The following ADAM17 variants were observed in gnomAD, a reference collection of about 807,000 sequenced individuals.
The protein encoded by ADAM17 is ADAM metallopeptidase domain 17, also known as disintegrin and metalloproteinase domain-containing protein 17.
Under a neutral mutation model 96.7 loss-of-function variants are expected in ADAM17, and 39 were observed. The ratio of observed to expected loss-of-function variants is 0.40; its 90% CI spans 0.31 to 0.53. The LOEUF is 0.53. Ranked by LOEUF, ADAM17 falls within the 20% of genes least tolerant of loss-of-function variation. The probability of loss-of-function intolerance (pLI) is 0.44; values close to 1 mark genes in which losing one functional copy is unlikely to be tolerated. For synonymous variants in ADAM17, 344 were observed against 359.2 expected (o/e 0.96, Z 0.48); for missense variants, 777 against 1,013.2 (o/e 0.77, Z 3.17).
chr2:9,525,321 C>T (rs7340151), intron 6 of ADAM17, among the ~76,000 whole-genome samples: 84,757 of 147,650 alleles, frequency 0.57, 25,694 homozygotes, highest in Middle Eastern at 0.76. Context: ...AAAAAATCCA[C>T]TTGACATGAA....
chr2:9,497,616 C>T (rs1662709234), intron 13 of ADAM17, among the ~76,000 whole-genome samples: 1 of 152,244 alleles, frequency 6.6e-6, no homozygotes. Context: ...CTGGCCCTGA[C>T]TTCATCGCAC....
intron 7 of ADAM17, chr2:9,522,110 A>G: frequency 3.6e-6 from 1 of 275,598 alleles, no homozygotes. Flanking sequence ...AAGCAAAAAG[A>G]AAATTTACAG....
intron 10 of ADAM17, among the ~76,000 whole-genome samples, chr2:9,510,879 T>C (rs1171004676): frequency 1.3e-5 from 2 of 152,172 alleles, no homozygotes; most frequent in Admixed American, 1.3e-4. Context: ...ATTATATGAA[T>C]TTAACAGAAT....
intron 5 of ADAM17, chr2:9,527,423 A>C: frequency 6.4e-6 from 1 of 156,624 alleles, no homozygotes; most frequent in Non-Finnish European, 1.4e-5. Context: ...TCTAAGCAGT[A>C]TATATATAGG....
At position 9,502,182 on chromosome 2, in the gene ADAM17, A is replaced by T; in HGVS notation, c.1639T>A (p.Tyr547Asn). 6.2e-7 allele frequency: 1 copy of T among 1,613,886 alleles called. No individual in the cohort carries two copies. Among genetic ancestry groups the T allele is most frequent in the Non-Finnish European group, 8.5e-7 (1 of 1,179,846 alleles). Residue 547 changes from tyrosine (Y) to asparagine (N), a missense_variant, in exon 13 of 19, where the codon TAC (tyrosine) becomes AAC (asparagine). By Grantham distance (143) the Tyr-to-Asn change is moderately radical (BLOSUM62 -2). This residue lies in a region of ADAM17 where 446 missense variants were observed against 664.7 expected (regional missense o/e 0.67). Transcript: ENST00000310823. ...CAACAAGAACACGAACCTGTGCAGT[A>T]GGACACGCCTTTGCAAGTAGCATTA... ...AINATCKGVS[Y>N]CTGNSSECPP...
At chr2:9,506,144 G>A (rs1214127970) in intron 11 of ADAM17, among the ~76,000 whole-genome samples, 2 of 152,000 alleles carry the variant, frequency 1.3e-5, no homozygotes, top group Non-Finnish European at 2.9e-5. Context: ...TACTTCTTAG[G>A]TCGGGGTCTC....
intron 1 of ADAM17, among the ~76,000 whole-genome samples, chr2:9,548,884 T>G (rs2125044539): frequency 6.6e-6 from 1 of 152,340 alleles, no homozygotes; most frequent in African/African-American, 2.4e-5. Context: ...CTTCTGGTTG[T>G]AGCTGTGGAG....
intron 12 of ADAM17, among the ~76,000 whole-genome samples, chr2:9,502,960 G>A (rs577799105): frequency 1.7e-4 from 26 of 149,856 alleles, no homozygotes; most frequent in African/African-American, 5.9e-4. Flanking sequence ...CCAACATGGT[G>A]AAACTCCGTC....
At chr2:9,519,555 C>G (rs1211372015) in intron 8 of ADAM17, among the ~76,000 whole-genome samples, 1 of 152,058 alleles carries the variant, frequency 6.6e-6, no homozygotes, top group Non-Finnish European at 1.5e-5. Flanking sequence ...CTGAATTGTG[C>G]CACCCCACAA....
chr2:9,521,056 G>T, intron 8 of ADAM17, 147 bp downstream of exon 8: 1 of 508,150 alleles, frequency 2.0e-6, no homozygotes, highest in East Asian at 3.1e-5. Flanking sequence ...GCTGCTACAT[G>T]GGATGGGGTT....
chr2:9,502,361 C>CTGAA, intron 12 of ADAM17, 85 bp from the exon 13 acceptor site: 1 of 1,180,008 alleles, frequency 8.5e-7, no homozygotes, highest in South Asian at 1.3e-5. Flanking sequence ...TTACAGTGAC[C>CTGAA]TGAAGATCAC....
rs1197740648 is a variant in ADAM17 at position 9,490,518 on chromosome 2, T to C, written c.2134A>G (p.Asn712Asp). 1.2e-6 allele frequency: 2 copies of C among 1,609,658 alleles called. No homozygotes were observed. Among genetic ancestry groups the C allele is most frequent in the East Asian group, 2.2e-5 (1 of 44,790 alleles). Residue 712 changes from asparagine (N) to aspartate (D), a missense_variant and splice_region_variant, in exon 19 of 19, where the codon AAC becomes GAC. Physicochemically the swap from Asn to Asp is conservative, Grantham distance 23. Around this residue, in one of 3 missense-constraint regions of ADAM17, gnomAD observed 197 missense variants for 219.4 expected, o/e 0.90. Transcript: ENST00000310823. The stretch of plus-strand genomic sequence containing the variant: ...TCCATGCTGCTCAGCATTTCGACGT[T>C]CTGCAAAGACATGGGTTCAATTGAT... ...YESLSLFHPS[N>D]VEMLSSMDSA... is the part of the protein sequence containing the mutation.
chr2:9,531,767 T>A (rs888985661), intron 4 of ADAM17, among the ~76,000 whole-genome samples: 92 of 151,894 alleles, frequency 6.1e-4, no homozygotes, highest in Admixed American at 6.0e-3. Context: ...GGATTATTTA[T>A]ATAAATAGTA....
At chr2:9,539,110 A>AT (rs748536711) in intron 2 of ADAM17, among the ~76,000 whole-genome samples, 14,229 of 144,352 alleles carry the variant, frequency 0.099, 1,191 homozygotes, top group African/African-American at 0.22. Context: ...TAATTTCTTG[A>AT]TTTTTTTTTT....
intron 10 of ADAM17, among the ~76,000 whole-genome samples, chr2:9,515,748 A>G (rs1174973971): frequency 1.3e-5 from 2 of 150,754 alleles, no homozygotes; most frequent in East Asian, 3.9e-4. Context: ...AAAAAAAAAA[A>G]AAAGAAAAAA....
chr2:9,521,064 G>A (rs1664289777), intron 8 of ADAM17, 139 bp downstream of exon 8: 1 of 578,540 alleles, frequency 1.7e-6, no homozygotes, highest in Non-Finnish European at 3.1e-6. Flanking sequence ...ATGGGATGGG[G>A]TTACTGCTGG....
At position 9,521,646 on chromosome 2, in the gene ADAM17, G is replaced by A. The variant is rs17590882; in HGVS notation, c.844-330C>T. ...CGACTACAGTCGACAACTCAGGAAA[G>A]AATAATAAAATATACATCTCTTTGT... On this transcript the variant is annotated intron_variant, in intron 7 of 18. Coordinates refer to ENST00000310823, the MANE Select transcript of ADAM17 (RefSeq NM_003183.6). 0.18 allele frequency: 28,341 copies of A among 156,228 alleles called. 2,710 individuals are homozygous for A. Among genetic ancestry groups the A allele is most frequent in the Middle Eastern group, 0.28 (88 of 320 alleles). The allele number at this position is 156,228 out of a possible 1,614,324, so 9.7% of individuals were successfully genotyped here.
intron 10 of ADAM17, among the ~76,000 whole-genome samples, chr2:9,517,046 C>T (rs1664091288): frequency 6.6e-6 from 1 of 152,162 alleles, no homozygotes; most frequent in Admixed American, 6.5e-5. Flanking sequence ...TTCTCCAACA[C>T]AGAAGAGAAC....
chr2:9,499,096 T>C (rs1025626367), intron 13 of ADAM17, among the ~76,000 whole-genome samples: 8 of 130,866 alleles, frequency 6.1e-5, no homozygotes, highest in Admixed American at 2.3e-4. Flanking sequence ...TGCTAATTGC[T>C]TTTTTTCTTT....
Sources: gnomAD v4.1 joint callset for allele counts (sites outside exome capture counted in the v4.1 genomes callset) on GRCh38, gnomAD v4.1.1 for gene constraint, gnomAD v4.1.1 regional missense constraint, MANE v1.5 for transcripts, NCBI Gene and HGNC (gene_info 2026-07-23, HGNC 2026-07-21) for gene names.